MCF2: variants seen among roughly 807,000 people sequenced by gnomAD.
The protein encoded by MCF2 is MCF.2 cell line derived transforming sequence.
A neutral mutation model predicts 82.5 loss-of-function variants in MCF2; 44 were observed. That is an observed-to-expected ratio of 0.53 (90% CI 0.42 to 0.69). The LOEUF is 0.69. MCF2 is among the 30% of genes least tolerant of loss of function. The probability of loss-of-function intolerance (pLI) is 0.00; values close to 1 mark genes in which losing one functional copy is unlikely to be tolerated. For synonymous variants in MCF2, 217 were observed against 224.9 expected (o/e 0.96, Z 0.32); for missense variants, 623 against 663.1 (o/e 0.94, Z 0.66).
At chrX:139,663,548 T>A (rs1934414841) in intron 1 of MCF2, among the ~76,000 whole-genome samples, 1 of 110,412 alleles carries the variant, frequency 9.1e-6, no homozygotes, top group Admixed American at 9.7e-5. Flanking sequence ...CACCCAGGTT[T>A]TAAGCCCAAT....
At chrX:139,611,002 TTCA>T (rs1213442976) in intron 10 of MCF2, among the ~76,000 whole-genome samples, 2 of 112,154 alleles carry the variant, frequency 1.8e-5, no homozygotes, top group East Asian at 5.6e-4. Flanking sequence ...ATTCAAAACT[TTCA>T]TCTTTATTTT....
intron 20 of MCF2, 131 bp downstream of exon 24, chrX:139,589,701 AAAT>A (rs763267738): frequency 2.1e-6 from 1 of 479,409 alleles, no homozygotes; most frequent in South Asian, 3.0e-5. Context: ...AAGAATATTC[AAAT>A]AATATTTAAC....
At chrX:139,704,378 C>T (rs1461713459) in intron 1 of MCF2, among the ~76,000 whole-genome samples, 1 of 112,337 alleles carries the variant, frequency 8.9e-6, no homozygotes, top group African/African-American at 3.2e-5. Context: ...CTAGAAATTG[C>T]CTTGTGAACT....
chrX:139,600,734 A>G lies in MCF2; in HGVS notation c.1836+1672T>C, dbSNP rs112477507. On this transcript the variant is annotated intron_variant, in intron 16 of 24. Transcript: ENST00000370576. ...CAACAATGAGGATCATGGTCAATAA[A>G]CCCACATATGCCCTGGAAACTTCCA... 2.7e-5 allele frequency among the ~76,000 whole-genome samples: 3 copies of G among 111,548 alleles called. No homozygotes were observed. The South Asian group carries it at 1.1e-3, about 42-fold the overall frequency.
At chrX:139,692,777 A>C (rs1261649905) in intron 1 of MCF2, among the ~76,000 whole-genome samples, 1 of 112,360 alleles carries the variant, frequency 8.9e-6, no homozygotes, top group Non-Finnish European at 1.9e-5. Flanking sequence ...TCTTTGCCCG[A>C]AGAGAATACT....
chrX:139,589,123 C>A (rs1929263277), intron 20 of MCF2, among the ~76,000 whole-genome samples: 1 of 111,449 alleles, frequency 9.0e-6, no homozygotes, highest in East Asian at 2.8e-4. Context: ...TGCAGAATAA[C>A]CTTGGTGACT....
At chrX:139,689,119 A>T (rs1332426361) in intron 1 of MCF2, among the ~76,000 whole-genome samples, 2 of 110,689 alleles carry the variant, frequency 1.8e-5, no homozygotes, top group Non-Finnish European at 3.8e-5. Context: ...TTCCGCTCAG[A>T]CCTCTCCCCT....
rs1263895627 is a variant in MCF2 at position 139,663,396 on chromosome X, A to C, written c.-44-11608T>G. The stretch of plus-strand genomic sequence containing the variant: ...GCAGTTAAGGAATAGAATCTTCTGT[A>C]AGTGTCTGTTAGGTCCATTCAGTCT... On this transcript the variant is annotated intron_variant, in intron 1 of 27. Coordinates refer to the MCF2 transcript ENST00000414978. Among the ~76,000 whole-genome samples the C allele has an allele frequency of 3.6e-5, 4 of 111,328 alleles. 1 individual carries two copies. The East Asian group carries it at 1.1e-3, about 31-fold the overall frequency.
At chrX:139,703,618 C>A (rs1276260239) in intron 1 of MCF2, among the ~76,000 whole-genome samples, 1 of 111,303 alleles carries the variant, frequency 9.0e-6, no homozygotes. Flanking sequence ...GCCTGTAATA[C>A]CAGCTACCTG....
intron 1 of MCF2, among the ~76,000 whole-genome samples, chrX:139,676,103 C>T (rs1934855793): frequency 1.8e-5 from 2 of 112,793 alleles, no homozygotes; most frequent in Admixed American, 9.3e-5. Flanking sequence ...GTAGGCAAGG[C>T]TCTGTGGGCT....
exon 1 of MCF2, chrX:139,642,683 A>G (rs1196768326): frequency 9.2e-5 from 21 of 228,072 alleles, no homozygotes; most frequent in African/African-American, 5.2e-4. Context: ...GCTGGGGAGG[A>G]AAAAAAAAAA....
chrX:139,617,712 T>C lies in MCF2; in HGVS notation c.808-8A>G. The C allele has an allele frequency of 1.8e-6, 2 of 1,100,148 alleles. No individual in the cohort carries two copies. The highest frequency in any genetic ancestry group is 2.7e-5 in the Admixed American group (1 of 36,521). The allele number at this position is 1,100,148 out of a possible 1,213,427, so 90.7% of individuals were successfully genotyped here. A position where few individuals can be genotyped will look rare whatever the true frequency, so the allele number is the denominator to read the frequency against. The stretch of plus-strand genomic sequence containing the variant: ...GGCCTTTGATAATAGCTCCTGATTA[T>C]AACAAAGACAAAAAATAATGAATAC... On this transcript the variant is annotated splice_polypyrimidine_tract_variant and splice_region_variant and intron_variant, in intron 7 of 24. Transcript: ENST00000370576.
At chrX:139,640,997 A>C (rs1933530153) in intron 1 of MCF2, among the ~76,000 whole-genome samples, 1 of 110,179 alleles carries the variant, frequency 9.1e-6, no homozygotes, top group Admixed American at 9.7e-5. Context: ...TACCCTTTCT[A>C]TTAGATTGAG....
intron 1 of MCF2, among the ~76,000 whole-genome samples, chrX:139,707,515 G>C (rs776720429): frequency 2.3e-4 from 26 of 111,591 alleles, no homozygotes; most frequent in Non-Finnish European, 3.6e-4. Flanking sequence ...TTCTTGGTCT[G>C]GAAAATTTGC....
chrX:139,624,419 A>T (rs1021659687), intron 6 of MCF2, among the ~76,000 whole-genome samples: 1 of 109,338 alleles, frequency 9.1e-6, no homozygotes, highest in Non-Finnish European at 1.9e-5. Flanking sequence ...GCATACCTGT[A>T]GTCCCAGCTA....
At chrX:139,698,771 T>C (rs1935429669) in intron 1 of MCF2, among the ~76,000 whole-genome samples, 1 of 112,145 alleles carries the variant, frequency 8.9e-6, no homozygotes, top group Non-Finnish European at 1.9e-5. Flanking sequence ...AGACATGTTG[T>C]TTAGTTCATA....
At chrX:139,617,669 A>G (rs765432247) in exon 8 of MCF2, 1 of 1,195,207 alleles carries the variant, frequency 8.4e-7, no homozygotes, top group East Asian at 3.0e-5. Flanking sequence ...GCTTGTGTCC[A>G]TGTAATATCA....
intron 1 of MCF2, among the ~76,000 whole-genome samples, chrX:139,697,248 A>G (rs917002959): frequency 2.7e-5 from 3 of 112,359 alleles, no homozygotes; most frequent in Admixed American, 1.9e-4. Flanking sequence ...AGTTACAAAG[A>G]TGAGGTAAAC....
At chrX:139,617,864 CAA>C (rs1403598668) in intron 7 of MCF2, among the ~76,000 whole-genome samples, 160 bp from the exon 11 acceptor site, 134 of 105,041 alleles carry the variant, frequency 1.3e-3, no homozygotes, top group African/African-American at 4.2e-3. Context: ...AAAAAAAACA[CAA>C]ACAAACAAAC....
Sources: gnomAD v4.1 joint callset for allele counts (sites outside exome capture counted in the v4.1 genomes callset) on GRCh38, gnomAD v4.1.1 for gene constraint, MANE v1.5 for transcripts, NCBI Gene and HGNC (gene_info 2026-07-23, HGNC 2026-07-21) for gene names.